MATN2: variants seen among roughly 807,000 people sequenced by gnomAD.
MATN2 encodes the protein matrilin 2.
A neutral mutation model predicts 103.2 loss-of-function variants in MATN2; 69 were observed. That is an observed-to-expected ratio of 0.67 (90% CI 0.55 to 0.82). MATN2 has a LOEUF of 0.82. Among genes scored for constraint, MATN2 ranks in the 40% least tolerant of loss-of-function variants. The pLI is 0.00. For synonymous variants in MATN2, 429 were observed against 450.2 expected (o/e 0.95, Z 0.60); for missense variants, 1,023 against 1,211.5 (o/e 0.84, Z 2.31).
At chr8:98,003,557 C>A in intron 7 of MATN2, 104 bp from the exon 8 acceptor site, 2 of 1,366,168 alleles carry the variant, frequency 1.5e-6, no homozygotes, top group Non-Finnish European at 2.1e-6. Context: ...GCAGGCAGCA[C>A]CCACCAGCCC....
intron 14 of MATN2, among the ~76,000 whole-genome samples, chr8:98,028,832 C>T (rs1813907759): frequency 6.6e-6 from 1 of 152,140 alleles, no homozygotes; most frequent in African/African-American, 2.4e-5. Context: ...CATGATCCAC[C>T]CACCTCAGCC....
At chr8:98,010,882 G>A (rs959562962) in intron 10 of MATN2, among the ~76,000 whole-genome samples, 2 of 152,242 alleles carry the variant, frequency 1.3e-5, no homozygotes, top group South Asian at 2.1e-4. Flanking sequence ...GCTGCCTGAG[G>A]CCCTGAGCTT....
intron 2 of MATN2, among the ~76,000 whole-genome samples, chr8:97,921,748 C>T (rs1809814533): frequency 6.6e-6 from 1 of 152,174 alleles, no homozygotes; most frequent in African/African-American, 2.4e-5. Flanking sequence ...GGGTGGGATC[C>T]CACTGCTGTG....
chr8:97,950,263 T>C (rs1810901336), intron 4 of MATN2, among the ~76,000 whole-genome samples: 1 of 152,164 alleles, frequency 6.6e-6, no homozygotes, highest in Non-Finnish European at 1.5e-5. Context: ...GTTTGTGGCA[T>C]CAGTGGAGGA....
intron 6 of MATN2, among the ~76,000 whole-genome samples, chr8:97,985,326 A>G (rs1168229968): frequency 6.6e-6 from 1 of 152,190 alleles, no homozygotes. Flanking sequence ...CAAGCTATTC[A>G]TTAGGGATTC....
intron 10 of MATN2, among the ~76,000 whole-genome samples, chr8:98,013,136 C>G (rs1813226650): frequency 6.6e-6 from 1 of 152,206 alleles, no homozygotes; most frequent in South Asian, 2.1e-4. Flanking sequence ...TGGGTAGAAA[C>G]TGACTCCAAG....
At chr8:98,022,825 C>T (rs1813651384) in intron 13 of MATN2, among the ~76,000 whole-genome samples, 1 of 152,208 alleles carries the variant, frequency 6.6e-6, no homozygotes, top group Admixed American at 6.5e-5. Context: ...CTATGGCTAA[C>T]GCCTGTAATC....
At chr8:97,906,058 T>A (rs1819159541) in intron 2 of MATN2, among the ~76,000 whole-genome samples, 1 of 152,092 alleles carries the variant, frequency 6.6e-6, no homozygotes, top group Non-Finnish European at 1.5e-5. Flanking sequence ...TACTAAGGAG[T>A]AGAATTGCTG....
In MATN2 at chr8:97,931,094, G is replaced by A. The variant is rs377512829; in HGVS notation, c.284G>A (p.Arg95Gln). Residue 95 changes from arginine to glutamine, a missense_variant, in exon 3 of 19, where the codon CGA becomes CAA. Arg to Gln is a conservative substitution (Grantham distance 43). Coordinates refer to ENST00000254898, the MANE Select transcript of MATN2 (RefSeq NM_002380.5). This position sits in a 1 kb window ranked among gnomAD's most constrained non-coding sequence, Gnocchi z 4.1. ...QFLDIGPDVT[R>Q]VGLLQYGSTV... ...TTGGACATTGGTCCTGATGTCACCC[G>A]AGTGGGCCTGCTCCAATATGGCAGC... 4.8e-5 allele frequency: 77 copies of A among 1,613,870 alleles called. No homozygotes were observed. The highest frequency in any genetic ancestry group is 1.5e-4 in the Admixed American group (9 of 59,996).
chr8:97,993,148 C>T (rs920148464), intron 6 of MATN2, among the ~76,000 whole-genome samples: 1 of 152,068 alleles, frequency 6.6e-6, no homozygotes, highest in Non-Finnish European at 1.5e-5. Flanking sequence ...CTTAACATTT[C>T]CATAAGTTTA....
At chr8:97,995,799 C>T (rs1382778863) in intron 7 of MATN2, among the ~76,000 whole-genome samples, 2 of 152,332 alleles carry the variant, frequency 1.3e-5, no homozygotes, top group East Asian at 1.9e-4. Flanking sequence ...GATTTTGAAA[C>T]GGAGCCTGTC....
intron 1 of MATN2, among the ~76,000 whole-genome samples, chr8:97,876,003 G>A (rs1158283398): frequency 6.7e-6 from 1 of 149,292 alleles, no homozygotes; most frequent in Non-Finnish European, 1.5e-5. Flanking sequence ...CCGAGTATTT[G>A]CCTCCTTTTT....
In MATN2 at chr8:97,876,258, C is replaced by T. The variant is rs563506983; in HGVS notation, c.-27+6971C>T. Among the ~76,000 whole-genome samples, 15 of 148,434 alleles carry T rather than the reference C, an allele frequency of 1.0e-4. No individual in the cohort carries two copies. In the South Asian group the frequency reaches 1.1e-3, roughly 11 times the overall value. On this transcript the variant is annotated intron_variant, in intron 1 of 18. Coordinates refer to ENST00000254898, the MANE Select transcript of MATN2 (RefSeq NM_002380.5). The stretch of plus-strand genomic sequence containing the variant: ...AGGCTGGAGTGCAATGGCGCAATCT[C>T]GGCTCACTGCAACCTCCGCCTCCCA...
At chr8:98,022,241 T>G (rs150140020) in intron 13 of MATN2, among the ~76,000 whole-genome samples, 1 of 152,204 alleles carries the variant, frequency 6.6e-6, no homozygotes, top group Non-Finnish European at 1.5e-5. Context: ...GAATGTTTTT[T>G]ATAGTATGTT....
At chr8:98,023,507 C>T (rs1430880368) in intron 13 of MATN2, among the ~76,000 whole-genome samples, 1 of 151,886 alleles carries the variant, frequency 6.6e-6, no homozygotes, top group African/African-American at 2.4e-5. Flanking sequence ...CCTGTCTCTA[C>T]AAAAATTAGA....
At position 97,982,997 on chromosome 8, in the gene MATN2, A is replaced by G. The variant is rs976600582; in HGVS notation, c.1081+3989A>G. On this transcript the variant is annotated intron_variant, in intron 6 of 18. Coordinates refer to ENST00000254898, the MANE Select transcript of MATN2 (RefSeq NM_002380.5). The surrounding 1 kb of genome is among the most constrained non-coding windows in gnomAD (Gnocchi z 4.3). ...AACTATCCTCACCATCCATCTCCAG[A>G]ACTTTTCATCACCCCAAACTGAAAC... Among the ~76,000 whole-genome samples, 1 of 152,096 alleles carries G rather than the reference A, an allele frequency of 6.6e-6. No individual in the cohort carries two copies. Among genetic ancestry groups the G allele is most frequent in the Non-Finnish European group, 1.5e-5 (1 of 68,018 alleles).
At chr8:97,933,499 T>C (rs908061611) in intron 3 of MATN2, among the ~76,000 whole-genome samples, 4 of 152,004 alleles carry the variant, frequency 2.6e-5, no homozygotes, top group African/African-American at 9.7e-5. Flanking sequence ...GCTGAGGAGC[T>C]ACACAATGGG....
chr8:97,889,564 C>T (rs1818562360), intron 2 of MATN2, among the ~76,000 whole-genome samples: 1 of 150,618 alleles, frequency 6.6e-6, no homozygotes, highest in African/African-American at 2.4e-5. Flanking sequence ...CCACCACAGC[C>T]TCTTGAGTAG....
intron 2 of MATN2, among the ~76,000 whole-genome samples, chr8:97,915,562 T>A (rs535909402): frequency 1.3e-5 from 2 of 152,306 alleles, no homozygotes; most frequent in Admixed American, 1.3e-4. Context: ...CCTCCCCTCC[T>A]CCTTCCAGGG....
Sources: allele counts gnomAD v4.1 joint callset (sites outside exome capture counted in the v4.1 genomes callset), GRCh38; gene constraint gnomAD v4.1.1; non-coding constraint Gnocchi (gnomAD v3.1); transcripts MANE v1.5; gene names NCBI Gene and HGNC (gene_info 2026-07-23, HGNC 2026-07-21).